MTSS1: variants seen among roughly 807,000 people sequenced by gnomAD.
MTSS1 encodes protein MTSS 1.
MTSS1 carries 18 observed loss-of-function variants against 79.0 expected under a neutral mutation model. The observed-to-expected ratio is 0.23, with a 90% CI of 0.16 to 0.34. The LOEUF is 0.34. MTSS1 is among the 10% of genes least tolerant of loss of function. The pLI, the probability that MTSS1 is intolerant of heterozygous loss-of-function variation, is 1.00. For missense variants in MTSS1, 815 were observed against 986.2 expected (o/e 0.83, Z 2.33); for synonymous variants, 341 against 368.6 (o/e 0.93, Z 0.86).
chr8:124,629,993 C>T (rs748862805), intron 3 of MTSS1, among the ~76,000 whole-genome samples: 11 of 152,222 alleles, frequency 7.2e-5, no homozygotes, highest in Non-Finnish European at 1.6e-4. Flanking sequence ...AAGGCCAAGC[C>T]AGCTGCGTCA....
intron 1 of MTSS1, among the ~76,000 whole-genome samples, chr8:124,713,247 C>T (rs546619735): frequency 7.2e-5 from 11 of 152,302 alleles, no homozygotes; most frequent in South Asian, 6.2e-4. Flanking sequence ...CAGCAATGGC[C>T]ACCCCACCAC....
chr8:124,638,037 AATG>A (rs1189271503), intron 3 of MTSS1, among the ~76,000 whole-genome samples: 2 of 152,250 alleles, frequency 1.3e-5, no homozygotes, highest in East Asian at 3.8e-4. Flanking sequence ...CCCAAACTTT[AATG>A]TATAGAAGAA....
In MTSS1 at chr8:124,588,245, A is replaced by G. The variant is rs559023538; in HGVS notation, c.385+1375T>C. ...TAGTCACAAAGAGGCCTGTTTTAGG[A>G]GCCACCATTCACACTCCCAGAGCAC... On this transcript the variant is annotated intron_variant, in intron 5 of 13. Coordinates refer to ENST00000518547, the MANE Select transcript of MTSS1 (RefSeq NM_014751.6). 3.9e-4 allele frequency among the ~76,000 whole-genome samples: 59 copies of G among 152,294 alleles called. 1 individual carries two copies. Among genetic ancestry groups the G allele is most frequent in the Admixed American group, 3.3e-3 (50 of 15,298 alleles).
intron 3 of MTSS1, among the ~76,000 whole-genome samples, chr8:124,669,797 T>C (rs1252026355): frequency 6.6e-6 from 1 of 152,140 alleles, no homozygotes; most frequent in Non-Finnish European, 1.5e-5. Context: ...TAAAAGAAAG[T>C]GGATAGCTAC....
At chr8:124,646,483 ACTT>A (rs1819020204) in intron 3 of MTSS1, among the ~76,000 whole-genome samples, 3 of 152,148 alleles carry the variant, frequency 2.0e-5, no homozygotes. Flanking sequence ...CATCTCTTAC[ACTT>A]CTACTGACTT....
chr8:124,703,986 A>G (rs532369275), intron 2 of MTSS1, 144 bp downstream of exon 2: 8 of 678,772 alleles, frequency 1.2e-5, no homozygotes, highest in East Asian at 1.1e-4. Context: ...ATAGGTGATC[A>G]TGCTCCAATC....
intron 3 of MTSS1, among the ~76,000 whole-genome samples, chr8:124,631,641 T>C (rs1815976636): frequency 6.6e-6 from 1 of 152,180 alleles, no homozygotes; most frequent in African/African-American, 2.4e-5. Context: ...GTCCACTCAC[T>C]TCACTCCCAA....
chr8:124,553,784 G>C lies in MTSS1; in HGVS notation c.1568-92C>G. The C allele has an allele frequency of 4.4e-6, 5 of 1,137,136 alleles. No homozygotes were observed. The highest frequency in any genetic ancestry group is 5.0e-6 in the Non-Finnish European group (4 of 804,662). The allele number at this position is 1,137,136 out of a possible 1,614,324, so 70.4% of individuals were successfully genotyped here. A position where few individuals can be genotyped will look rare whatever the true frequency, so the allele number is the denominator to read the frequency against. ...GGAGGACAAAAGGCACGCAAGGCAG[G>C]GTACACACACAGTCTCATCCCAAGC... On this transcript the variant is annotated intron_variant, in intron 13 of 13. Transcript: ENST00000518547. This position sits in a 1 kb window ranked among gnomAD's most constrained non-coding sequence, Gnocchi z 6.0.
chr8:124,640,345 T>G (rs886375818), intron 3 of MTSS1, among the ~76,000 whole-genome samples: 2 of 152,190 alleles, frequency 1.3e-5, no homozygotes, highest in African/African-American at 4.8e-5. Flanking sequence ...CTTAAACAAT[T>G]TACTGGAACG....
In MTSS1 at chr8:124,585,071, G is replaced by T; in HGVS notation, c.460+16C>A. 1 of 1,607,502 alleles carries T rather than the reference G, an allele frequency of 6.2e-7. No individual in the cohort carries two copies. The highest frequency in any genetic ancestry group is 1.1e-5 in the South Asian group (1 of 89,740). ...CCATCAGGAAGTAACATCAGTGGCA[G>T]AATTTTAGGAGTTACCTTTTTTTGC... On this transcript the variant is annotated intron_variant, in intron 6 of 13. Coordinates refer to ENST00000518547, the MANE Select transcript of MTSS1 (RefSeq NM_014751.6).
intron 3 of MTSS1, among the ~76,000 whole-genome samples, chr8:124,671,270 A>G (rs890609395): frequency 2.6e-5 from 4 of 151,876 alleles, no homozygotes; most frequent in African/African-American, 9.7e-5. Context: ...GACCCGCACC[A>G]ACCTTCTTTC....
At position 124,644,992 on chromosome 8, in the gene MTSS1, T is replaced by C. The variant is rs532929622; in HGVS notation, c.209-53757A>G. On this transcript the variant is annotated intron_variant, in intron 3 of 13. Transcript: ENST00000518547. ...GGGCCTACTATATATGTGGCATTGA[T>C]AGGTCTTGAGGCCCAAATGTAGAGA... Among the ~76,000 whole-genome samples the C allele has an allele frequency of 1.5e-4, 23 of 152,330 alleles. No homozygotes were observed. The East Asian group carries it at 3.1e-3, about 20-fold the overall frequency.
chr8:124,663,964 G>C (rs1380754061), intron 3 of MTSS1, among the ~76,000 whole-genome samples: 2 of 152,206 alleles, frequency 1.3e-5, no homozygotes, highest in Admixed American at 1.3e-4. Context: ...ACCCGGGATG[G>C]ACTGGTGCTG....
chr8:124,682,614 C>T (rs1246520519), intron 3 of MTSS1, among the ~76,000 whole-genome samples: 4 of 152,176 alleles, frequency 2.6e-5, no homozygotes, highest in African/African-American at 7.2e-5. Context: ...GTTTGGCTCT[C>T]GTGATGCAGA....
rs181277263 is a variant in MTSS1 at position 124,555,292 on chromosome 8, C to T, written c.1567+450G>A. Among the ~76,000 whole-genome samples, 692 of 152,262 alleles carry T rather than the reference C, an allele frequency of 4.5e-3. 24 individuals are homozygous for T. The highest frequency in any genetic ancestry group is 0.041 in the Admixed American group (632 of 15,296). On this transcript the variant is annotated intron_variant, in intron 13 of 13. Transcript: ENST00000518547. ...ACAGAGTCTTGCTCTGTCACCCGGGCTGGAGTGCAGTGGCGCGATCTCAGC... is the reference window on the plus strand; with the variant it reads ...ACAGAGTCTTGCTCTGTCACCCGGGTTGGAGTGCAGTGGCGCGATCTCAGC...
At chr8:124,672,036 T>C (rs1824313573) in intron 3 of MTSS1, among the ~76,000 whole-genome samples, 1 of 152,250 alleles carries the variant, frequency 6.6e-6, no homozygotes, top group African/African-American at 2.4e-5. Flanking sequence ...ATCCAGCAGC[T>C]ACATCCACAG....
chr8:124,585,234 A>G, intron 5 of MTSS1, 73 bp from the exon 6 acceptor site: 2 of 1,076,534 alleles, frequency 1.9e-6, no homozygotes, highest in South Asian at 2.6e-5. Context: ...GGAAACAGCC[A>G]TTACATTTAT....
intron 3 of MTSS1, chr8:124,699,303 G>GT: frequency 3.7e-6 from 2 of 536,108 alleles, no homozygotes; most frequent in Non-Finnish European, 6.6e-6. Context: ...AGAAACAGTG[G>GT]TTCATTTTCT....
At chr8:124,618,225 T>C (rs1003907067) in intron 3 of MTSS1, among the ~76,000 whole-genome samples, 1 of 152,122 alleles carries the variant, frequency 6.6e-6, no homozygotes, top group Admixed American at 6.5e-5. Flanking sequence ...CTAAATCTCT[T>C]AGGCTGCTGC....
Sources: gnomAD v4.1 joint callset for allele counts (sites outside exome capture counted in the v4.1 genomes callset) on GRCh38, gnomAD v4.1.1 for gene constraint, Gnocchi (gnomAD v3.1) non-coding constraint, MANE v1.5 for transcripts, NCBI Gene and HGNC (gene_info 2026-07-23, HGNC 2026-07-21) for gene names.